Variants in LCORL observed in about 807,000 individuals in gnomAD.
The protein encoded by LCORL is ligand-dependent nuclear receptor corepressor-like protein.
LCORL carries 41 observed loss-of-function variants against 141.8 expected under a neutral mutation model. The observed-to-expected ratio is 0.29, with a 90% CI of 0.23 to 0.38. The LOEUF is 0.38. LCORL is among the 10% of genes least tolerant of loss of function. The pLI is 1.00. For missense variants in LCORL, 1,759 were observed against 2,035.0 expected (o/e 0.86, Z 2.61); for synonymous variants, 618 against 694.1 (o/e 0.89, Z 1.72).
intron 1 of LCORL, among the ~76,000 whole-genome samples, chr4:18,000,243 C>A (rs1721718594): frequency 6.6e-6 from 1 of 151,066 alleles, no homozygotes; most frequent in African/African-American, 2.4e-5. Context: ...ATGGTACACA[C>A]TTCTTTGTGG....
At chr4:17,969,802 C>T (rs1398573613) in intron 2 of LCORL, among the ~76,000 whole-genome samples, 1 of 151,752 alleles carries the variant, frequency 6.6e-6, no homozygotes, top group Non-Finnish European at 1.5e-5. Context: ...TAATTCAGTG[C>T]AAAACTATGT....
intron 1 of LCORL, among the ~76,000 whole-genome samples, chr4:17,976,390 T>C (rs1210586091): frequency 2.0e-5 from 3 of 152,194 alleles, no homozygotes; most frequent in Non-Finnish European, 4.4e-5. Flanking sequence ...GTATTCCATT[T>C]TGTTGCCACC....
In LCORL at chr4:18,021,194, G is replaced by A. The variant is rs568136143; in HGVS notation, c.154+404C>T. Among the ~76,000 whole-genome samples, 9 of 152,122 alleles carry A rather than the reference G, an allele frequency of 5.9e-5. No individual in the cohort carries two copies. Among genetic ancestry groups the A allele is most frequent in the Admixed American group, 2.6e-4 (4 of 15,290 alleles). ...CGGACCAGCCCGCCTTCCTCCGGCC[G>A]CCCTGCCCGCCGGCTCTCCTCCGCC... On this transcript the variant is annotated intron_variant, in intron 1 of 7. Transcript: ENST00000635767. The surrounding 1 kb of genome is among the most constrained non-coding windows in gnomAD (Gnocchi z 5.5).
rs1553863446 is a variant in LCORL at position 17,897,213 on chromosome 4, C to CCTTTTTTTTTTTTTTTTTTTTT, written c.683-11053_683-11052insAAAAAAAAAAAAAAAAAAAAAG. ...AGACTTCTCTTTGATATACTGATTT[C>CCTTTTTTTTTTTTTTTTTTTTT]TTTTTTTTTTTTTTTTTTTTTTTTT... is the stretch of plus-strand genomic sequence containing the variant. On this transcript the variant is annotated intron_variant, in intron 5 of 7. Transcript: ENST00000635767. 1.0e-3 allele frequency among the ~76,000 whole-genome samples: 64 copies of CCTTTTTTTTTTTTTTTTTTTTT among 63,986 alleles called. 31 individuals are homozygous for CCTTTTTTTTTTTTTTTTTTTTT. Among genetic ancestry groups the CCTTTTTTTTTTTTTTTTTTTTT allele is most frequent in the South Asian group, 2.3e-3 (4 of 1,712 alleles). 42.0% of individuals were successfully genotyped at this position (63,986 alleles called of 152,430 possible). A position where few individuals can be genotyped will look rare whatever the true frequency, so the allele number is the denominator to read the frequency against.
intron 1 of LCORL, among the ~76,000 whole-genome samples, chr4:17,986,007 C>G (rs1469482645): frequency 2.0e-5 from 3 of 152,082 alleles, no homozygotes; most frequent in African/African-American, 7.2e-5. Context: ...CTTATTTCAC[C>G]TTTGCTTAGG....
chr4:17,911,767 G>C (rs1027721499), intron 4 of LCORL: 378 of 458,738 alleles, frequency 8.2e-4, no homozygotes, highest in Non-Finnish European at 1.4e-3. Context: ...GGTCAGCAGC[G>C]TGGCTGGCGT....
At chr4:18,018,033 G>A (rs890197225) in intron 1 of LCORL, among the ~76,000 whole-genome samples, 3 of 152,044 alleles carry the variant, frequency 2.0e-5, no homozygotes, top group African/African-American at 7.2e-5. Flanking sequence ...TAGGTACATA[G>A]GAGTTCTATT....
chr4:17,919,568 A>T (rs1407594033), intron 4 of LCORL, among the ~76,000 whole-genome samples: 3 of 152,292 alleles, frequency 2.0e-5, no homozygotes, highest in East Asian at 3.9e-4. Flanking sequence ...GTACCTATAA[A>T]AGTTATGTTT....
At chr4:18,008,375 A>C (rs1169574718) in intron 1 of LCORL, among the ~76,000 whole-genome samples, 1 of 152,212 alleles carries the variant, frequency 6.6e-6, no homozygotes, top group African/African-American at 2.4e-5. Context: ...AAGGCTGAGG[A>C]GGCCTAAACC....
In LCORL at chr4:17,978,221, T is replaced by G. The variant is rs148518261; in HGVS notation, c.155-5336A>C. Among the ~76,000 whole-genome samples, 683 of 152,324 alleles carry G rather than the reference T, an allele frequency of 4.5e-3. 4 individuals are homozygous for G. Among genetic ancestry groups the G allele is most frequent in the South Asian group, 0.019 (93 of 4,826 alleles). On this transcript the variant is annotated intron_variant, in intron 1 of 7. Transcript: ENST00000635767. ...ATGCCAGACATTGTGAATTTTACAT[T>G]GTGAGTGCTGGGTTCCCCATTTTTT... is the stretch of plus-strand genomic sequence containing the variant.
chr4:17,844,411 A>G (rs1189418188), exon 8 of LCORL: 1 of 152,394 alleles, frequency 6.6e-6, no homozygotes, highest in African/African-American at 2.4e-5. Flanking sequence ...ATCATCTACT[A>G]GAGGCCATTT....
intron 4 of LCORL, among the ~76,000 whole-genome samples, chr4:17,947,510 A>C (rs1419979878): frequency 6.6e-6 from 1 of 151,934 alleles, no homozygotes; most frequent in Non-Finnish European, 1.5e-5. Flanking sequence ...ATAGAGTTAA[A>C]AATAGAGTAC....
chr4:17,852,084 T>C (rs969656598), intron 7 of LCORL, among the ~76,000 whole-genome samples: 36 of 152,166 alleles, frequency 2.4e-4, no homozygotes, highest in African/African-American at 8.7e-4. Flanking sequence ...ATATCTCTTA[T>C]GGTGGTTTTC....
intron 4 of LCORL, among the ~76,000 whole-genome samples, chr4:17,941,854 T>C (rs902443134): frequency 4.2e-5 from 1 of 23,954 alleles, no homozygotes; most frequent in African/African-American, 2.0e-4. Flanking sequence ...ATGATAGAAT[T>C]TTTTTTTTTT....
rs374727298 is a variant in LCORL, at chr4:17,843,135, G to A, written c.*2753C>T. 1.2e-4 allele frequency: 74 copies of A among 629,940 alleles called. No homozygotes were observed. The South Asian group carries it at 1.7e-3, about 15-fold the overall frequency. 39.0% of individuals were successfully genotyped at this position (629,940 alleles called of 1,614,324 possible). On this transcript the variant is annotated 3_prime_UTR_variant, in exon 8 of 8. Coordinates refer to ENST00000635767, the Ensembl canonical transcript of LCORL. ...CTGATTCACTTTGCTAGATAGCCAA[G>A]TCAGTGTTTTTTTGACATTGAGATT...
chr4:17,907,883 C>T (rs1252457672), intron 5 of LCORL, among the ~76,000 whole-genome samples: 1 of 152,180 alleles, frequency 6.6e-6, no homozygotes, highest in African/African-American at 2.4e-5. Context: ...AAGCTATTAT[C>T]TTAAAATCTG....
intron 4 of LCORL, among the ~76,000 whole-genome samples, chr4:17,939,176 A>G (rs1018896064): frequency 6.6e-6 from 1 of 152,214 alleles, no homozygotes. Flanking sequence ...GAACGTGAAA[A>G]TGTGCACAAC....
intron 1 of LCORL, among the ~76,000 whole-genome samples, chr4:18,001,793 C>G (rs569669472): frequency 6.6e-6 from 1 of 152,138 alleles, no homozygotes; most frequent in Non-Finnish European, 1.5e-5. Context: ...CAATGAAATA[C>G]ATTTTATGGA....
intron 1 of LCORL, among the ~76,000 whole-genome samples, chr4:18,013,481 A>G (rs887859202): frequency 6.6e-6 from 1 of 152,238 alleles, no homozygotes; most frequent in Non-Finnish European, 1.5e-5. Context: ...TCATAGGAAT[A>G]AAAATGGCAA....
Sources: gnomAD v4.1 joint callset for allele counts (sites outside exome capture counted in the v4.1 genomes callset) on GRCh38, gnomAD v4.1.1 for gene constraint, Gnocchi (gnomAD v3.1) non-coding constraint, MANE v1.5 for transcripts, NCBI Gene and HGNC (gene_info 2026-07-23, HGNC 2026-07-21) for gene names.